SLC22A14: variants seen among roughly 807,000 people sequenced by gnomAD.
SLC22A14 encodes the protein organic cation transporter-like 4.
A neutral mutation model predicts 53.9 loss-of-function variants in SLC22A14; 50 were observed. That is an observed-to-expected ratio of 0.93 (90% CI 0.74 to 1.17). The LOEUF (loss-of-function observed/expected upper bound fraction) is 1.17. Among genes scored for constraint, SLC22A14 ranks in the 50% most tolerant of loss-of-function variants. The pLI is 0.00. For missense variants in SLC22A14, 671 were observed against 734.7 expected, an observed-to-expected ratio of 0.91 and a Z score of 1.00; for synonymous variants, 312 against 303.0, an observed-to-expected ratio of 1.03 and a Z score of -0.31.
intron 8 of SLC22A14, 44 bp downstream of exon 8, chr3:38,313,985 C>A: frequency 6.4e-7 from 1 of 1,550,912 alleles, no homozygotes; most frequent in Non-Finnish European, 8.9e-7. Context: ...AGCCTTCCTG[C>A]TTCCCAAAAC....
At chr3:38,298,368 T>G (rs1032415611) in intron 1 of SLC22A14, among the ~76,000 whole-genome samples, 2 of 152,246 alleles carry the variant, frequency 1.3e-5, no homozygotes, top group African/African-American at 4.8e-5. Flanking sequence ...GCTACTAAGC[T>G]GTTATTTTTT....
chr3:38,284,443 C>G (rs1703743990), intron 1 of SLC22A14, among the ~76,000 whole-genome samples: 1 of 152,230 alleles, frequency 6.6e-6, no homozygotes, highest in African/African-American at 2.4e-5. Flanking sequence ...CCTCTAGGCC[C>G]ACCACAGTGC....
At chr3:38,283,095 T>G (rs778725630) in intron 1 of SLC22A14, among the ~76,000 whole-genome samples, 4 of 152,094 alleles carry the variant, frequency 2.6e-5, no homozygotes, top group Non-Finnish European at 4.4e-5. Flanking sequence ...CTGCATTCCT[T>G]GGCTCTGGGA....
chr3:38,285,500 G>A (rs1015447379), intron 1 of SLC22A14, among the ~76,000 whole-genome samples: 1 of 152,072 alleles, frequency 6.6e-6, no homozygotes, highest in Non-Finnish European at 1.5e-5. Context: ...ATGACATACT[G>A]AAATTATTTC....
In SLC22A14 at chr3:38,306,398, C is replaced by G; in HGVS notation, c.372C>G (p.Pro124=). 6.2e-7 allele frequency: 1 copy of G among 1,614,238 alleles called. No individual in the cohort carries two copies. ...EQLNLTIPQA[P]NGSFLTCFMY... ...TGAATCTGACCATACCCCAAGCACC[C>G]AATGGCAGTTTCCTGACATGCTTCA... The change falls in exon 2 of 11, where the codon CCC becomes CCG. Residue 124 remains proline (P), a synonymous_variant. Coordinates refer to ENST00000448498, the MANE Select transcript of SLC22A14 (RefSeq NM_001320033.2).
intron 5 of SLC22A14, among the ~76,000 whole-genome samples, chr3:38,312,478 C>T (rs1704493927): frequency 1.3e-5 from 2 of 152,090 alleles, no homozygotes; most frequent in African/African-American, 4.8e-5. Context: ...AGAGATGGGA[C>T]AGAGTAGAGA....
At chr3:38,313,996 C>T in intron 8 of SLC22A14, 55 bp downstream of exon 8, 1 of 1,513,722 alleles carries the variant, frequency 6.6e-7, no homozygotes, top group Non-Finnish European at 9.1e-7. Context: ...TTCCCAAAAC[C>T]CCTCCCCAGT....
chr3:38,316,321 C>G lies in SLC22A14; in HGVS notation c.1533-3C>G. On this transcript the variant is annotated splice_polypyrimidine_tract_variant and splice_region_variant and intron_variant, in intron 9 of 10. Coordinates refer to ENST00000448498, the MANE Select transcript of SLC22A14 (RefSeq NM_001320033.2). Reference sequence around the variant, plus strand: ...TCACAGGAGCTCTCACCTCCACTTTCAGGGCGACAGGTCTGGGGCTGGTGT... The same window carrying G: ...TCACAGGAGCTCTCACCTCCACTTTGAGGGCGACAGGTCTGGGGCTGGTGT... The G allele has an allele frequency of 6.2e-7, 1 of 1,613,982 alleles. No individual in the cohort carries two copies. Among genetic ancestry groups the G allele is most frequent in the Non-Finnish European group, 8.5e-7 (1 of 1,179,934 alleles).
intron 1 of SLC22A14, among the ~76,000 whole-genome samples, chr3:38,303,253 C>T (rs764525224): frequency 1.3e-5 from 2 of 151,944 alleles, no homozygotes; most frequent in South Asian, 2.1e-4. Context: ...AACTTTACTA[C>T]GTTCTTCCTT....
chr3:38,292,438 T>C (rs1703934153), intron 1 of SLC22A14, among the ~76,000 whole-genome samples: 1 of 152,162 alleles, frequency 6.6e-6, no homozygotes, highest in African/African-American at 2.4e-5. Context: ...TAGCTGGGTA[T>C]AGAGGGACAA....
At chr3:38,305,704 A>AGT (rs1033369927) in intron 1 of SLC22A14, 1 of 298,070 alleles carries the variant, frequency 3.4e-6, no homozygotes, top group Non-Finnish European at 6.2e-6. Flanking sequence ...CTGGTGTCTC[A>AGT]GTGTGTGTGT....
At chr3:38,300,011 T>C (rs1243013852) in intron 1 of SLC22A14, among the ~76,000 whole-genome samples, 2 of 152,236 alleles carry the variant, frequency 1.3e-5, no homozygotes, top group Non-Finnish European at 2.9e-5. Context: ...GTTGGAAGTG[T>C]GTCTTCGGGA....
chr3:38,299,354 A>C (rs1458656248), intron 1 of SLC22A14, among the ~76,000 whole-genome samples: 1 of 152,130 alleles, frequency 6.6e-6, no homozygotes, highest in Non-Finnish European at 1.5e-5. Flanking sequence ...ACCCTCAGAG[A>C]TAATTAGTCT....
intron 10 of SLC22A14, 33 bp downstream of exon 10, chr3:38,316,557 ACGGGGCCTGGCT>A: frequency 6.3e-7 from 1 of 1,587,666 alleles, no homozygotes; most frequent in Non-Finnish European, 8.6e-7. Context: ...CTGTGCCAGC[ACGGGGCCTGGCT>A]CTGAAGCCTT....
At chr3:38,289,862 A>C (rs1703874029) in intron 1 of SLC22A14, among the ~76,000 whole-genome samples, 1 of 152,158 alleles carries the variant, frequency 6.6e-6, no homozygotes, top group South Asian at 2.1e-4. Context: ...GTGCAATTGC[A>C]AGATTTTATA....
At chr3:38,298,615 G>A (rs1195400615) in intron 1 of SLC22A14, among the ~76,000 whole-genome samples, 3 of 152,064 alleles carry the variant, frequency 2.0e-5, no homozygotes, top group Non-Finnish European at 4.4e-5. Context: ...CCAGGCAGTG[G>A]CGCCATCTCA....
At position 38,313,252 on chromosome 3, in the gene SLC22A14, C is replaced by T. The variant is rs894104850; in HGVS notation, c.1065+133C>T. On this transcript the variant is annotated intron_variant, in intron 6 of 10. Transcript: ENST00000448498. ...CACTGCTTAAGGACAATGGTGACAGCAAAATTGAACCCTGCCAGGGAAGGC... is the reference window on the plus strand; with the variant it reads ...CACTGCTTAAGGACAATGGTGACAGTAAAATTGAACCCTGCCAGGGAAGGC... 4 of 1,433,006 alleles carry T rather than the reference C, an allele frequency of 2.8e-6. No individual in the cohort carries two copies. The Admixed American group carries it at 5.3e-5, about 19-fold the overall frequency. 88.8% of individuals were successfully genotyped at this position (1,433,006 alleles called of 1,614,324 possible). A position where few individuals can be genotyped will look rare whatever the true frequency, so the allele number is the denominator to read the frequency against.
chr3:38,313,244 G>A, intron 6 of SLC22A14, 125 bp downstream of exon 6: 1 of 1,459,026 alleles, frequency 6.9e-7, no homozygotes, highest in Non-Finnish European at 9.5e-7. Flanking sequence ...TAAGGACAAT[G>A]GTGACAGCAA....
upstream of SLC22A14, among the ~76,000 whole-genome samples, chr3:38,280,963 A>C (rs1006401778): frequency 2.0e-5 from 3 of 152,182 alleles, no homozygotes; most frequent in Non-Finnish European, 4.4e-5. Context: ...AAAACAAACC[A>C]AAACAAAGGG....
Sources: allele counts gnomAD v4.1 joint callset (sites outside exome capture counted in the v4.1 genomes callset), GRCh38; gene constraint gnomAD v4.1.1; transcripts MANE v1.5; gene names NCBI Gene and HGNC (gene_info 2026-07-23, HGNC 2026-07-21).